The following CNKSR2 variants were observed in gnomAD, a reference collection of about 807,000 sequenced individuals.
The protein encoded by CNKSR2 is CNK homolog protein 2.
Under a neutral mutation model 84.4 loss-of-function variants are expected in CNKSR2, and 14 were observed. That is an observed-to-expected ratio of 0.17 (90% CI 0.11 to 0.26). The LOEUF is 0.26. Ranked by LOEUF, CNKSR2 falls within the 10% of genes least tolerant of loss-of-function variation. The pLI is 1.00. For synonymous variants in CNKSR2, 275 were observed against 277.9 expected, an observed-to-expected ratio of 0.99 and a Z score of 0.10; for missense variants, 485 against 771.2, an observed-to-expected ratio of 0.63 and a Z score of 4.40.
intron 11 of CNKSR2, among the ~76,000 whole-genome samples, chrX:21,553,571 A>G (rs2092112852): frequency 9.0e-6 from 1 of 110,507 alleles, no homozygotes; most frequent in East Asian, 2.8e-4. Context: ...GAAGTTTTTC[A>G]TCTCTACCTT....
chrX:21,462,904 A>G (rs1033622720), intron 4 of CNKSR2, among the ~76,000 whole-genome samples: 2 of 109,150 alleles, frequency 1.8e-5, no homozygotes, highest in African/African-American at 6.7e-5. Context: ...ATGGGGTTTC[A>G]CTGGTGTTAG....
At chrX:21,439,611 A>G (rs1033832351) in intron 3 of CNKSR2, among the ~76,000 whole-genome samples, 1 of 110,816 alleles carries the variant, frequency 9.0e-6, no homozygotes, top group African/African-American at 3.3e-5. Flanking sequence ...AGAGAAGTCA[A>G]TCAAAATGTA....
intron 20 of CNKSR2, among the ~76,000 whole-genome samples, chrX:21,646,160 A>G (rs948517032): frequency 1.4e-4 from 15 of 111,014 alleles, no homozygotes; most frequent in African/African-American, 4.9e-4. Flanking sequence ...GGGGTGGCTT[A>G]TTATCTCTGA....
At chrX:21,478,794 A>G (rs1422201343) in intron 5 of CNKSR2, among the ~76,000 whole-genome samples, 5 of 112,021 alleles carry the variant, frequency 4.5e-5, no homozygotes, top group African/African-American at 6.5e-5. Flanking sequence ...TCTAAATGCC[A>G]TAATTCTTAG....
At chrX:21,527,369 T>TA (rs897895072) in intron 10 of CNKSR2, among the ~76,000 whole-genome samples, 4 of 109,766 alleles carry the variant, frequency 3.6e-5, no homozygotes, top group African/African-American at 6.6e-5. Context: ...ATTTTTTTTT[T>TA]AAAAAAAGAG....
intron 20 of CNKSR2, among the ~76,000 whole-genome samples, chrX:21,625,882 G>A (rs1051661746): frequency 1.8e-5 from 2 of 111,516 alleles, no homozygotes; most frequent in East Asian, 2.8e-4. Context: ...GCTTGTACCC[G>A]CAAATACTGA....
At chrX:21,479,200 A>G (rs960698105) in intron 5 of CNKSR2, among the ~76,000 whole-genome samples, 3 of 111,488 alleles carry the variant, frequency 2.7e-5, no homozygotes, top group Non-Finnish European at 5.7e-5. Context: ...ACTTAAGATA[A>G]TGGCCTCCAG....
chrX:21,484,833 C>T (rs1179755583), intron 5 of CNKSR2, among the ~76,000 whole-genome samples: 1 of 111,666 alleles, frequency 9.0e-6, no homozygotes, highest in East Asian at 2.8e-4. Context: ...TTTTTTCTGT[C>T]CCTTAGCTTT....
intron 4 of CNKSR2, among the ~76,000 whole-genome samples, chrX:21,458,279 G>A (rs148036338): frequency 8.0e-5 from 9 of 112,437 alleles, no homozygotes; most frequent in African/African-American, 1.6e-4. Context: ...CAATAACCAC[G>A]TGTTTCTAAT....
At chrX:21,624,402 T>A (rs1361943140) in intron 20 of CNKSR2, among the ~76,000 whole-genome samples, 1 of 112,159 alleles carries the variant, frequency 8.9e-6, no homozygotes, top group Non-Finnish European at 1.9e-5. Flanking sequence ...TTTAAAATGA[T>A]GAGAATTTTG....
At chrX:21,439,616 A>G (rs141727931) in intron 3 of CNKSR2, among the ~76,000 whole-genome samples, 1,982 of 110,742 alleles carry the variant, frequency 0.018, 15 homozygotes, top group Non-Finnish European at 0.031. Context: ...AGTCAATCAA[A>G]ATGTAAAGGT....
intron 1 of CNKSR2, among the ~76,000 whole-genome samples, chrX:21,377,141 G>A (rs945650463): frequency 8.9e-6 from 1 of 111,857 alleles, no homozygotes; most frequent in Non-Finnish European, 1.9e-5. Context: ...TTTGTGTATC[G>A]TGTATACATA....
At position 21,375,834 on chromosome X, in the gene CNKSR2, C is replaced by A. The variant is rs756707909; in HGVS notation, c.64+873C>A. 3.6e-5 allele frequency among the ~76,000 whole-genome samples: 4 copies of A among 111,554 alleles called. No homozygotes were observed. In the East Asian group the frequency reaches 1.1e-3, roughly 31 times the overall value. On this transcript the variant is annotated intron_variant, in intron 1 of 21. Transcript: ENST00000379510. ...TCACCCTCCTAATCGCAAACGTGAG[C>A]TTTTTTTCTGATCCCTGGGCTTTCC... is the stretch of plus-strand genomic sequence containing the variant.
At chrX:21,429,116 A>G (rs1014041143) in intron 2 of CNKSR2, 2 of 111,931 alleles carry the variant, frequency 1.8e-5, no homozygotes, top group African/African-American at 6.5e-5. Flanking sequence ...ATTTCTTTCA[A>G]ATGCTTTTGC....
rs540258247 is a variant in CNKSR2, at chrX:21,470,810, G to A, written c.561+3G>A. On this transcript the variant is annotated splice_donor_region_variant and intron_variant, in intron 5 of 21. Transcript: ENST00000379510. ...CAGAGAATAAAATTCTTCACGTGGT[G>A]AGTATACTTGGATTTATTTTAATCT... 3.0e-6 allele frequency: 3 copies of A among 988,790 alleles called. No homozygotes were observed. In the South Asian group the frequency reaches 7.4e-5, roughly 24 times the overall value. 81.5% of individuals were successfully genotyped at this position (988,790 alleles called of 1,213,427 possible).
chrX:21,595,535 G>C (rs899240857), intron 17 of CNKSR2, 140 bp downstream of exon 17: 91 of 343,347 alleles, frequency 2.7e-4, no homozygotes, highest in African/African-American at 2.4e-3. Context: ...GCTCCATGCA[G>C]CCATATCTAA....
At chrX:21,527,060 TA>T (rs2091842356) in intron 10 of CNKSR2, 60 bp downstream of exon 10, 1 of 1,032,653 alleles carries the variant, frequency 9.7e-7, no homozygotes, top group Non-Finnish European at 1.3e-6. Context: ...TAACAGCATA[TA>T]AACTGCAAAG....
At chrX:21,444,961 G>A (rs1201067711) in intron 4 of CNKSR2, among the ~76,000 whole-genome samples, 1 of 111,443 alleles carries the variant, frequency 9.0e-6, no homozygotes, top group Non-Finnish European at 1.9e-5. Flanking sequence ...ACGTAAAGAT[G>A]TAAAATGGGG....
chrX:21,543,305 T>C (rs918377097), intron 11 of CNKSR2, among the ~76,000 whole-genome samples: 5 of 112,694 alleles, frequency 4.4e-5, no homozygotes, highest in Non-Finnish European at 7.5e-5. Flanking sequence ...AAAGAAGAAC[T>C]AACCACAGAA....
Sources: gnomAD v4.1 joint callset for allele counts (sites outside exome capture counted in the v4.1 genomes callset) on GRCh38, gnomAD v4.1.1 for gene constraint, MANE v1.5 for transcripts, NCBI Gene and HGNC (gene_info 2026-07-23, HGNC 2026-07-21) for gene names.